Variants in KIAA0586 observed in about 807,000 individuals in gnomAD.
KIAA0586 encodes protein TALPID3.
Under a neutral mutation model 169.8 loss-of-function variants are expected in KIAA0586, and 144 were observed. The ratio of observed to expected loss-of-function variants is 0.85; its 90% CI spans 0.74 to 0.97. The LOEUF (loss-of-function observed/expected upper bound fraction) is 0.97, where lower values mean the gene tolerates loss of function less well. Ranked by LOEUF, KIAA0586 falls within the 50% of genes least tolerant of loss-of-function variation. KIAA0586 has a pLI of 0.00. For missense variants in KIAA0586, 1,854 were observed against 1,823.0 expected (o/e 1.02, Z -0.31); for synonymous variants, 625 against 612.4 (o/e 1.02, Z -0.30).
intron 7 of KIAA0586, 126 bp from the exon 8 acceptor site, chr14:58,450,453 C>G (rs1190820550): frequency 6.6e-6 from 4 of 606,106 alleles, no homozygotes; most frequent in Non-Finnish European, 1.2e-5. Context: ...TATTTCTCTA[C>G]ACTTAATAAT....
Position 58,472,187 on chromosome 14 carries a change from ATGCTT to A in KIAA0586, c.2554-10_2554-6del. 6.6e-7 allele frequency: 1 copy of A among 1,504,030 alleles called. No individual in the cohort carries two copies. 93.2% of individuals were successfully genotyped at this position (1,504,030 alleles called of 1,614,324 possible). A position where few individuals can be genotyped will look rare whatever the true frequency, so the allele number is the denominator to read the frequency against. On this transcript the variant is annotated splice_polypyrimidine_tract_variant and splice_region_variant and intron_variant, in intron 17 of 30. Transcript: ENST00000652326. ...TAAGCACAACAAAAACTTTCTGAAA[ATGCTT>A]TCTTAGACTCCAGAAATTATGAAGG...
intron 27 of KIAA0586, among the ~76,000 whole-genome samples, chr14:58,505,679 C>T (rs1015676865): frequency 2.6e-5 from 4 of 152,126 alleles, no homozygotes; most frequent in Admixed American, 2.0e-4. Flanking sequence ...GTTTCTGACT[C>T]CTGGTGAGTT....
chr14:58,472,392 T>C (rs936780921), intron 18 of KIAA0586, 113 bp downstream of exon 18: 28 of 481,828 alleles, frequency 5.8e-5, no homozygotes, highest in Admixed American at 8.6e-5. Flanking sequence ...TACTTTCTTT[T>C]ACTTTTGAGT....
chr14:58,487,293 G>T, intron 22 of KIAA0586, 127 bp downstream of exon 22: 1 of 822,842 alleles, frequency 1.2e-6, no homozygotes. Context: ...TTTAGGAATT[G>T]ATTGCGACTT....
intron 4 of KIAA0586, among the ~76,000 whole-genome samples, chr14:58,439,060 C>T (rs2038069291): frequency 6.6e-6 from 1 of 152,186 alleles, no homozygotes; most frequent in African/African-American, 2.4e-5. Context: ...ATGTGCCAAA[C>T]TGAGAGAAAA....
chr14:58,427,690 A>T, upstream of KIAA0586: 1 of 1,535,390 alleles, frequency 6.5e-7, no homozygotes, highest in Non-Finnish European at 8.7e-7. Context: ...GTTTGAAGGG[A>T]AGTGGGTGTT....
At chr14:58,452,632 T>G (rs2039484445) in intron 8 of KIAA0586, among the ~76,000 whole-genome samples, 1 of 152,232 alleles carries the variant, frequency 6.6e-6, no homozygotes, top group African/African-American at 2.4e-5. Flanking sequence ...CTTATCAAAT[T>G]CCTTTTTTCT....
chr14:58,450,804 G>A, intron 8 of KIAA0586, 58 bp downstream of exon 8: 1 of 1,048,578 alleles, frequency 9.5e-7, no homozygotes, highest in Non-Finnish European at 1.4e-6. Flanking sequence ...GAGATTTTCT[G>A]TGCCTAGTAG....
At chr14:58,544,257 T>C (rs1251123888) in intron 30 of KIAA0586, among the ~76,000 whole-genome samples, 1 of 152,196 alleles carries the variant, frequency 6.6e-6, no homozygotes, top group Non-Finnish European at 1.5e-5. Context: ...AGTTTCTTTA[T>C]CCAATTTGTC....
At chr14:58,510,013 T>C (rs2044272319) in intron 28 of KIAA0586, among the ~76,000 whole-genome samples, 1 of 152,052 alleles carries the variant, frequency 6.6e-6, no homozygotes, top group Non-Finnish European at 1.5e-5. Flanking sequence ...AGTTGAAAAA[T>C]GAACAATAGA....
chr14:58,432,332 A>G, intron 3 of KIAA0586, 56 bp from the exon 4 acceptor site: 7 of 1,066,152 alleles, frequency 6.6e-6, no homozygotes, highest in Non-Finnish European at 9.4e-6. Flanking sequence ...GTAGCTTATT[A>G]AAGTTTAATA....
chr14:58,521,489 T>C (rs2045224266), intron 29 of KIAA0586: 1 of 759,792 alleles, frequency 1.3e-6, no homozygotes, highest in Non-Finnish European at 2.4e-6. Context: ...TATGATAGGA[T>C]GTACAGTTAC....
the KIAA0586 span, among the ~76,000 whole-genome samples, chr14:58,556,649 A>C: frequency 1.3e-5 from 2 of 152,106 alleles, no homozygotes; most frequent in African/African-American, 2.4e-5. Flanking sequence ...TTTGAATTTC[A>C]TGTAGGTAGA....
At chr14:58,443,683 A>C (rs1426195979) in intron 5 of KIAA0586, among the ~76,000 whole-genome samples, 2 of 152,110 alleles carry the variant, frequency 1.3e-5, no homozygotes, top group African/African-American at 4.8e-5. Flanking sequence ...TTGGCCTCCC[A>C]AAGTGCTGGG....
At chr14:58,458,430 C>T (rs746393585) in intron 11 of KIAA0586, 43 bp from the exon 12 acceptor site, 1 of 1,050,374 alleles carries the variant, frequency 9.5e-7, no homozygotes, top group South Asian at 1.4e-5. Flanking sequence ...CTGCTCAGGA[C>T]AGTAAGTGCT....
chr14:58,531,863 T>C (rs942378481), intron 29 of KIAA0586, among the ~76,000 whole-genome samples: 1 of 152,060 alleles, frequency 6.6e-6, no homozygotes, highest in South Asian at 2.1e-4. Flanking sequence ...ATGTGTATTA[T>C]GACTAGTTCA....
At chr14:58,538,112 T>C (rs1036691694) in intron 29 of KIAA0586, among the ~76,000 whole-genome samples, 4 of 152,168 alleles carry the variant, frequency 2.6e-5, no homozygotes, top group African/African-American at 9.7e-5. Context: ...GCTATGATTG[T>C]ACCACTGCAC....
downstream of KIAA0586, among the ~76,000 whole-genome samples, chr14:58,553,064 A>G (rs965157091): frequency 2.0e-5 from 3 of 152,204 alleles, no homozygotes; most frequent in Admixed American, 6.5e-5. Context: ...ACATTCCCCA[A>G]TAGTCGGACG....
At chr14:58,557,533 G>A in the KIAA0586 span, among the ~76,000 whole-genome samples, 12 of 152,302 alleles carry the variant, frequency 7.9e-5, no homozygotes, top group African/African-American at 2.4e-4. Context: ...GCTGCACCCC[G>A]CCGGTGTAGG....
Sources: gnomAD v4.1 joint callset for allele counts (sites outside exome capture counted in the v4.1 genomes callset) on GRCh38, gnomAD v4.1.1 for gene constraint, MANE v1.5 for transcripts, NCBI Gene and HGNC (gene_info 2026-07-23, HGNC 2026-07-21) for gene names.